Variants in LRRC37A2 observed in about 807,000 individuals in gnomAD.
LRRC37A2 encodes the protein leucine rich repeat containing 37 member A2.
A neutral mutation model predicts 68.8 loss-of-function variants in LRRC37A2; 9 were observed. That is an observed-to-expected ratio of 0.13 (90% CI 0.08 to 0.23). LRRC37A2 has a LOEUF of 0.23. Ranked by LOEUF, LRRC37A2 falls within the 10% of genes least tolerant of loss-of-function variation. The pLI, the probability that LRRC37A2 is intolerant of heterozygous loss-of-function variation, is 1.00. For synonymous variants in LRRC37A2, 63 were observed against 367.6 expected, an observed-to-expected ratio of 0.17 and a Z score of 9.48; for missense variants, 168 against 950.4, an observed-to-expected ratio of 0.18 and a Z score of 10.82.
chr17:46,890,271 C>T, the LRRC37A2 span, among the ~76,000 whole-genome samples: 1 of 152,202 alleles, frequency 6.6e-6, no homozygotes, highest in Non-Finnish European at 1.5e-5. Context: ...CCCAACTCTG[C>T]CTAAAGTGCT....
the LRRC37A2 span, chr17:46,755,241 C>A: frequency 8.9e-7 from 1 of 1,126,472 alleles, no homozygotes; most frequent in Non-Finnish European, 1.4e-6. Flanking sequence ...CCGAACACTG[C>A]CTTCTCATGA....
the LRRC37A2 span, among the ~76,000 whole-genome samples, chr17:46,787,164 C>T: frequency 6.6e-6 from 1 of 152,082 alleles, no homozygotes; most frequent in Non-Finnish European, 1.5e-5. Context: ...GGGTTTCGAA[C>T]TCCTGGGCCC....
the LRRC37A2 span, among the ~76,000 whole-genome samples, chr17:47,035,672 C>G: frequency 6.6e-6 from 1 of 152,186 alleles, no homozygotes; most frequent in Non-Finnish European, 1.5e-5. Context: ...TTCTAGGGTG[C>G]ATCCCTAGCA....
the LRRC37A2 span, chr17:46,939,827 G>A: frequency 0.12 from 119,760 of 987,582 alleles, 8,049 homozygotes; most frequent in Non-Finnish European, 0.13. Flanking sequence ...CAGGTATATT[G>A]TGGAATTTAG....
the LRRC37A2 span, among the ~76,000 whole-genome samples, chr17:46,797,465 A>G: frequency 6.6e-6 from 1 of 152,228 alleles, no homozygotes; most frequent in Admixed American, 6.5e-5. Context: ...GTGAAGGCCC[A>G]AGGCAGTGGA....
At chr17:46,742,009 C>T in the LRRC37A2 span, among the ~76,000 whole-genome samples, 1 of 152,198 alleles carries the variant, frequency 6.6e-6, no homozygotes. Flanking sequence ...CCGCCTCGGC[C>T]TCCCAAAGTG....
At chr17:46,936,836 G>A in the LRRC37A2 span, 1 of 984,902 alleles carries the variant, frequency 1.0e-6, no homozygotes, top group Non-Finnish European at 1.2e-6. Flanking sequence ...AGTTTGACTT[G>A]TAATTTCTCT....
the LRRC37A2 span, chr17:46,978,846 C>G: frequency 6.9e-6 from 11 of 1,597,244 alleles, no homozygotes; most frequent in Non-Finnish European, 9.4e-6. Context: ...CGGGCGCCAG[C>G]CCCGCGGGGA....
chr17:46,880,143 C>T, the LRRC37A2 span, among the ~76,000 whole-genome samples: 3 of 152,178 alleles, frequency 2.0e-5, no homozygotes, highest in African/African-American at 4.8e-5. Flanking sequence ...ACAGGATGCC[C>T]CAAGTGCCCC....
chr17:46,887,489 G>A, the LRRC37A2 span, among the ~76,000 whole-genome samples: 8 of 152,106 alleles, frequency 5.3e-5, no homozygotes, highest in Non-Finnish European at 1.0e-4. Flanking sequence ...AGAGGGCCAG[G>A]CGTGGTGGCT....
chr17:46,807,532 C>A, the LRRC37A2 span, among the ~76,000 whole-genome samples: 1 of 152,150 alleles, frequency 6.6e-6, no homozygotes, highest in African/African-American at 2.4e-5. Context: ...GACTGGAATT[C>A]TCATAACTCA....
the LRRC37A2 span, among the ~76,000 whole-genome samples, chr17:46,946,282 C>CAAAAAAAAAAA: frequency 1.1e-4 from 14 of 126,708 alleles, no homozygotes; most frequent in Admixed American, 2.4e-4. Flanking sequence ...CTAAAAATAC[C>CAAAAAAAAAAA]AAAAAAAAAA....
At chr17:46,779,103 A>ACACACACACACACACACACACACACCCC in the LRRC37A2 span, among the ~76,000 whole-genome samples, 6 of 133,588 alleles carry the variant, frequency 4.5e-5, no homozygotes, top group African/African-American at 1.4e-4. Flanking sequence ...ACACACACAC[A>ACACACACACACACACACACACACACCCC]CCCCAGCCCA....
At chr17:47,001,408 G>A in the LRRC37A2 span, among the ~76,000 whole-genome samples, 3 of 141,358 alleles carry the variant, frequency 2.1e-5, no homozygotes, top group African/African-American at 7.8e-5. Flanking sequence ...ATGCTGGGGG[G>A]TTCTCAACCA....
At chr17:46,721,151 A>C in the LRRC37A2 span, among the ~76,000 whole-genome samples, 3 of 151,800 alleles carry the variant, frequency 2.0e-5, no homozygotes, top group Non-Finnish European at 4.4e-5. Flanking sequence ...CATGTGGCAC[A>C]CTCTTGCCTT....
the LRRC37A2 span, among the ~76,000 whole-genome samples, chr17:46,779,103 A>ACACCCCCCCCCC: frequency 1.5e-5 from 2 of 133,664 alleles, no homozygotes; most frequent in East Asian, 2.6e-4. Flanking sequence ...ACACACACAC[A>ACACCCCCCCCCC]CCCCAGCCCA....
the LRRC37A2 span, among the ~76,000 whole-genome samples, chr17:46,855,091 T>TA: frequency 0.17 from 25,384 of 152,132 alleles, 2,403 homozygotes; most frequent in East Asian, 0.37. Flanking sequence ...CACCCAGTGT[T>TA]ACACAGTGAA....
At chr17:46,850,339 T>G in the LRRC37A2 span, among the ~76,000 whole-genome samples, 1 of 152,224 alleles carries the variant, frequency 6.6e-6, no homozygotes, top group Non-Finnish European at 1.5e-5. Flanking sequence ...TCAGATCATG[T>G]AATCACTGCG....
the LRRC37A2 span, among the ~76,000 whole-genome samples, chr17:46,896,365 A>AAG: frequency 2.7e-3 from 404 of 149,490 alleles, 2 homozygotes; most frequent in Non-Finnish European, 3.1e-3. Flanking sequence ...AAAAGAAAGA[A>AAG]AGAGAGAGAG....
Sources: allele counts gnomAD v4.1 joint callset (sites outside exome capture counted in the v4.1 genomes callset), GRCh38; gene constraint gnomAD v4.1.1; transcripts MANE v1.5; gene names NCBI Gene and HGNC (gene_info 2026-07-23, HGNC 2026-07-21).